The following IL6ST variants were observed in gnomAD, a reference collection of about 807,000 sequenced individuals.
IL6ST encodes the protein interleukin 6 cytokine family signal transducer, also known as interleukin-6 receptor subunit beta.
Under a neutral mutation model 91.3 loss-of-function variants are expected in IL6ST, and 24 were observed. The ratio of observed to expected loss-of-function variants is 0.26; its 90% CI spans 0.19 to 0.37. The LOEUF (loss-of-function observed/expected upper bound fraction) is 0.37. IL6ST is among the 10% of genes least tolerant of loss of function. IL6ST has a pLI of 1.00. For synonymous variants in IL6ST, 351 were observed against 373.6 expected, an observed-to-expected ratio of 0.94 and a Z score of 0.70; for missense variants, 914 against 1,078.5, an observed-to-expected ratio of 0.85 and a Z score of 2.14.
intron 15 of IL6ST, among the ~76,000 whole-genome samples, chr5:55,943,017 C>T (rs1300409328): frequency 6.6e-6 from 1 of 152,022 alleles, no homozygotes; most frequent in Admixed American, 6.6e-5. Context: ...TTTAAACTCT[C>T]AAAATTCTGC....
Position 55,941,648 on chromosome 5 carries a change from A to AC in IL6ST, c.2190dup (p.Ser731ValfsTer8), listed in dbSNP as rs1750927341. On this transcript the variant is annotated frameshift_variant, in exon 17 of 17. Coordinates refer to ENST00000381298, the MANE Select transcript of IL6ST (RefSeq NM_002184.4). LOFTEE classifies it high-confidence loss of function. ...GGCCTAGAAGATGACATGCATGAAG[A>AC]CCCCCCAATACCACTGCTGTGTCCT... 6.2e-7 allele frequency: 1 copy of AC among 1,613,834 alleles called. No homozygotes were observed.
chr5:55,964,468 C>A (rs1752524346), intron 5 of IL6ST, among the ~76,000 whole-genome samples, 156 bp from the exon 6 acceptor site: 1 of 152,136 alleles, frequency 6.6e-6, no homozygotes. Flanking sequence ...TAAAAATAAA[C>A]CTTTCTTTAA....
chr5:55,978,673 C>T (rs1257475432), intron 2 of IL6ST, among the ~76,000 whole-genome samples: 3 of 152,146 alleles, frequency 2.0e-5, no homozygotes, highest in Non-Finnish European at 2.9e-5. Flanking sequence ...TGCAGTGAGC[C>T]GAGGTCACAC....
intron 15 of IL6ST, among the ~76,000 whole-genome samples, chr5:55,943,766 A>AG (rs984244427): frequency 7.2e-4 from 109 of 152,086 alleles, no homozygotes; most frequent in African/African-American, 2.5e-3. Flanking sequence ...GTAGTAGTAA[A>AG]GGGGAAAAAA....
chr5:55,984,981 TTGA>T (rs1184128568), intron 1 of IL6ST, among the ~76,000 whole-genome samples: 2 of 152,178 alleles, frequency 1.3e-5, no homozygotes, highest in Non-Finnish European at 2.9e-5. Flanking sequence ...TATATCTTCT[TTGA>T]TGATGTGTCT....
chr5:55,943,227 T>C lies in IL6ST; in HGVS notation c.1938-476A>G, dbSNP rs114896799. ...TCTCCTGTAGGAAATACCTATAACA[T>C]TTGGAAGTAATATAAAAAGTAGTAA... On this transcript the variant is annotated intron_variant, in intron 15 of 16. Transcript: ENST00000381298. Among the ~76,000 whole-genome samples, 1,313 of 152,086 alleles carry C rather than the reference T, an allele frequency of 8.6e-3. 16 individuals carry two copies. Among genetic ancestry groups the C allele is most frequent in the African/African-American group, 0.03 (1,240 of 41,498 alleles).
At chr5:55,993,607 A>T (rs1435939587) in intron 1 of IL6ST, among the ~76,000 whole-genome samples, 2 of 152,184 alleles carry the variant, frequency 1.3e-5, no homozygotes, top group Non-Finnish European at 2.9e-5. Context: ...AAAAAATCCC[A>T]CTACAGTCTG....
rs775953976 is a variant in IL6ST, at chr5:55,941,138, T to C, written c.2701A>G (p.Met901Val). 4 of 1,613,942 alleles carry C rather than the reference T, an allele frequency of 2.5e-6. No individual in the cohort carries two copies. Among genetic ancestry groups the C allele is most frequent in the Middle Eastern group, 3.3e-4 (2 of 6,082 alleles). Reference protein sequence around the residue: ...VGMEAATDEGMPKSYLPQTVR... With the variant: ...VGMEAATDEGVPKSYLPQTVR... The stretch of plus-strand genomic sequence containing the variant: ...GTCTGTGGTAAGTAACTTTTAGGCA[T>C]GCCTTCATCAGTCGCAGCCTCCATG... The change falls in exon 17 of 17, where the codon ATG (methionine) becomes GTG (valine). Residue 901 changes from methionine to valine, a missense_variant. Physicochemically the swap from Met to Val is conservative, Grantham distance 21. Transcript: ENST00000381298.
intron 8 of IL6ST, among the ~76,000 whole-genome samples, chr5:55,958,967 T>TA (rs1752149440): frequency 6.6e-6 from 1 of 151,876 alleles, no homozygotes; most frequent in African/African-American, 2.4e-5. Context: ...GTACAGAAGT[T>TA]AAAATAGATA....
chr5:55,952,663 T>C (rs1354342958), intron 11 of IL6ST, among the ~76,000 whole-genome samples: 1 of 152,182 alleles, frequency 6.6e-6, no homozygotes, highest in South Asian at 2.1e-4. Context: ...TTGTATGTCT[T>C]ACCTACAAGA....
chr5:55,960,568 CAAAGCAAACCAAACA>C lies in IL6ST; in HGVS notation c.814-22_814-8del. The stretch of plus-strand genomic sequence containing the variant: ...CTGTGTCTTCAGGAGGAATCTGAAA[CAAAGCAAACCAAACA>C]ACAGAAAACCTCAATTAGTAAGGTC... On this transcript the variant is annotated splice_polypyrimidine_tract_variant and splice_region_variant and intron_variant, in intron 7 of 16. Coordinates refer to ENST00000381298, the MANE Select transcript of IL6ST (RefSeq NM_002184.4). 2 of 1,603,214 alleles carry C rather than the reference CAAAGCAAACCAAACA, an allele frequency of 1.2e-6. No homozygotes were observed. Among genetic ancestry groups the C allele is most frequent in the Non-Finnish European group, 1.7e-6 (2 of 1,176,508 alleles).
At chr5:55,968,208 A>T in intron 5 of IL6ST, 68 bp downstream of exon 5, 1 of 1,296,076 alleles carries the variant, frequency 7.7e-7, no homozygotes, top group Non-Finnish European at 1.1e-6. Context: ...TACTTGGTAA[A>T]ATAAAAATTC....
chr5:55,954,899 A>G lies in IL6ST; in HGVS notation c.1361T>C (p.Ile454Thr), dbSNP rs2228046. ...ATCTGATAACACACACCACTCAAGT[A>G]TATATTTCTTTACAGATTCCCTTGG... is the stretch of plus-strand genomic sequence containing the variant. Reference protein sequence around the residue: ...TTPRESVKKYILEWCVLSDKA... With the variant: ...TTPRESVKKYTLEWCVLSDKA... The change falls in exon 11 of 17, where the codon ATA becomes ACA. Residue 454 changes from isoleucine (I) to threonine (T), a missense_variant. Ile to Thr is a moderately conservative substitution (Grantham distance 89). Transcript: ENST00000381298. 25,479 of 1,612,922 alleles carry G rather than the reference A, an allele frequency of 0.016. 3,480 individuals carry two copies. The African/African-American group carries it at 0.3, about 19-fold the overall frequency.
intron 3 of IL6ST, among the ~76,000 whole-genome samples, chr5:55,973,579 T>C (rs1053243288): frequency 6.6e-6 from 1 of 152,176 alleles, no homozygotes. Flanking sequence ...ACAACAGACA[T>C]ATAAGCGAAG....
intron 1 of IL6ST, among the ~76,000 whole-genome samples, chr5:55,984,027 A>T (rs961987466): frequency 2.0e-5 from 3 of 149,574 alleles, no homozygotes; most frequent in Non-Finnish European, 2.9e-5. Flanking sequence ...TTTCTACAAC[A>T]CTTAACACCT....
chr5:55,976,626 T>C lies in IL6ST; in HGVS notation c.-15-333A>G, dbSNP rs192794048. ...TTCTACATGGCAAAACTCACCATAA[T>C]ATGTATCCTTAAAAGATACCTGACA... On this transcript the variant is annotated intron_variant, in intron 2 of 16. Coordinates refer to ENST00000381298, the MANE Select transcript of IL6ST (RefSeq NM_002184.4). Among the ~76,000 whole-genome samples the C allele has an allele frequency of 4.0e-3, 615 of 152,344 alleles. 3 individuals carry two copies. Among genetic ancestry groups the C allele is most frequent in the Middle Eastern group, 0.024 (7 of 294 alleles).
At chr5:55,964,052 C>T (rs1481985987) in intron 6 of IL6ST, 94 bp downstream of exon 6, 6 of 571,114 alleles carry the variant, frequency 1.1e-5, no homozygotes, top group Non-Finnish European at 1.7e-5. Context: ...TAAAAATCTA[C>T]ATTAAAATCT....
At chr5:55,942,492 T>C (rs996763139) in intron 16 of IL6ST, among the ~76,000 whole-genome samples, 178 bp downstream of exon 16, 2 of 152,224 alleles carry the variant, frequency 1.3e-5, no homozygotes, top group Non-Finnish European at 2.9e-5. Context: ...ACATATTAAA[T>C]TTTGATTAAA....
intron 3 of IL6ST, among the ~76,000 whole-genome samples, chr5:55,970,258 T>C (rs549514014): frequency 1.3e-4 from 20 of 152,320 alleles, no homozygotes; most frequent in African/African-American, 4.8e-4. Context: ...CTGAATGCTG[T>C]TGTGGAGTAC....
Sources: gnomAD v4.1 joint callset for allele counts (sites outside exome capture counted in the v4.1 genomes callset) on GRCh38, gnomAD v4.1.1 for gene constraint, MANE v1.5 for transcripts, NCBI Gene and HGNC (gene_info 2026-07-23, HGNC 2026-07-21) for gene names.